Variants in SHISA5 observed in about 807,000 individuals in gnomAD.
SHISA5 encodes the protein shisa family member 5.
Under a neutral mutation model 27.5 loss-of-function variants are expected in SHISA5, and 21 were observed. The observed-to-expected ratio is 0.76, with a 90% CI of 0.54 to 1.10. SHISA5 has a LOEUF of 1.10. Ranked by LOEUF, SHISA5 falls within the 50% of genes least tolerant of loss-of-function variation. SHISA5 has a pLI of 0.00. For missense variants in SHISA5, 314 were observed against 336.3 expected, an observed-to-expected ratio of 0.93 and a Z score of 0.52; for synonymous variants, 137 against 142.2, an observed-to-expected ratio of 0.96 and a Z score of 0.26.
intron 2 of SHISA5, among the ~76,000 whole-genome samples, chr3:48,486,677 G>A (rs2041259061): frequency 7.0e-6 from 1 of 142,452 alleles, no homozygotes. Flanking sequence ...TGGATCACCT[G>A]AGGTCAGGAG....
intron 2 of SHISA5, among the ~76,000 whole-genome samples, chr3:48,482,888 C>T (rs2041068904): frequency 3.3e-5 from 5 of 152,016 alleles, no homozygotes. Context: ...CCATCTTGGC[C>T]TCCCAAAATT....
chr3:48,481,551 G>T (rs1484850048), intron 2 of SHISA5, among the ~76,000 whole-genome samples: 1 of 152,158 alleles, frequency 6.6e-6, no homozygotes, highest in Non-Finnish European at 1.5e-5. Flanking sequence ...AGCACTTTGG[G>T]AGGCTGAGGA....
At chr3:48,486,512 T>C (rs1404926625) in intron 2 of SHISA5, among the ~76,000 whole-genome samples, 1 of 116,976 alleles carries the variant, frequency 8.5e-6, no homozygotes, top group East Asian at 2.2e-4. Context: ...AATTATATAA[T>C]ATACAATATA....
intron 2 of SHISA5, among the ~76,000 whole-genome samples, chr3:48,493,898 T>C (rs2041489804): frequency 6.8e-6 from 1 of 147,930 alleles, no homozygotes; most frequent in South Asian, 2.1e-4. Flanking sequence ...TTTTGAAATA[T>C]GTATATATTG....
intron 2 of SHISA5, among the ~76,000 whole-genome samples, chr3:48,484,570 G>T (rs1030011218): frequency 6.8e-6 from 1 of 147,884 alleles, no homozygotes; most frequent in Admixed American, 6.8e-5. Context: ...CAGCCTGGGC[G>T]ACAGAGCGAG....
In SHISA5 at chr3:48,473,132, C is replaced by T; in HGVS notation, c.315-3289G>A. 1 of 1,466,852 alleles carries T rather than the reference C, an allele frequency of 6.8e-7. No homozygotes were observed. Among genetic ancestry groups the T allele is most frequent in the Non-Finnish European group, 9.0e-7 (1 of 1,112,520 alleles). 90.9% of individuals were successfully genotyped at this position (1,466,852 alleles called of 1,614,324 possible). A position where few individuals can be genotyped will look rare whatever the true frequency, so the allele number is the denominator to read the frequency against. ...TGGAGAAAAAGAAAGCAAATCTCCT[C>T]CAGATGACGTCAGCCACAGGAAGCA... On this transcript the variant is annotated intron_variant, in intron 3 of 5. Coordinates refer to ENST00000296444, the MANE Select transcript of SHISA5 (RefSeq NM_016479.6). The surrounding 1 kb of genome is among the most constrained non-coding windows in gnomAD (Gnocchi z 4.3).
chr3:48,504,249 G>A (rs1044132352), upstream of SHISA5: 1 of 371,008 alleles, frequency 2.7e-6, no homozygotes, highest in Non-Finnish European at 4.8e-6. This position sits in a 1 kb window ranked among gnomAD's most constrained non-coding sequence, Gnocchi z 4.0. Context: ...AGGAGGAGGA[G>A]GGAGGAGGAG....
At chr3:48,476,463 C>T (rs1408557058) in intron 3 of SHISA5, among the ~76,000 whole-genome samples, 2 of 152,106 alleles carry the variant, frequency 1.3e-5, no homozygotes, top group South Asian at 2.1e-4. Context: ...GGCTCCTGGC[C>T]TGGGGTCTTT....
In SHISA5 at chr3:48,473,543, C is replaced by T; in HGVS notation, c.315-3700G>A. The T allele has an allele frequency of 7.8e-7, 1 of 1,282,378 alleles. No homozygotes were observed. Among genetic ancestry groups the T allele is most frequent in the Non-Finnish European group, 1.0e-6 (1 of 984,736 alleles). 79.4% of individuals were successfully genotyped at this position (1,282,378 alleles called of 1,614,324 possible). On this transcript the variant is annotated intron_variant, in intron 3 of 5. Coordinates refer to ENST00000296444, the MANE Select transcript of SHISA5 (RefSeq NM_016479.6). This position sits in a 1 kb window ranked among gnomAD's most constrained non-coding sequence, Gnocchi z 4.3. ...TGCAAGGAGCAAAGTCCAGCCTGTC[C>T]CTTTAGCTCCTCCTCTCCCACCAGC... is the stretch of plus-strand genomic sequence containing the variant.
At chr3:48,501,379 C>CCACA in intron 1 of SHISA5, 86 bp from the exon 2 acceptor site, 1 of 1,384,388 alleles carries the variant, frequency 7.2e-7, no homozygotes, top group Non-Finnish European at 1.0e-6. Flanking sequence ...AGCCACCAGA[C>CCACA]CACACACACA....
At chr3:48,482,454 T>C (rs546466843) in intron 2 of SHISA5, among the ~76,000 whole-genome samples, 1 of 152,254 alleles carries the variant, frequency 6.6e-6, no homozygotes, top group South Asian at 2.1e-4. Flanking sequence ...TGGATTCCGA[T>C]TTGGACAAAC....
chr3:48,486,886 C>A (rs1044629175), intron 2 of SHISA5, among the ~76,000 whole-genome samples: 3 of 148,222 alleles, frequency 2.0e-5, no homozygotes, highest in Middle Eastern at 3.2e-3. Flanking sequence ...AGCCACTGCA[C>A]GCCAGCCTGG....
Position 48,470,017 on chromosome 3 carries a change from G to A in SHISA5, c.315-174C>T, listed in dbSNP as rs1333975696. On this transcript the variant is annotated intron_variant, in intron 3 of 5. Coordinates refer to ENST00000296444, the MANE Select transcript of SHISA5 (RefSeq NM_016479.6). This position sits in a 1 kb window ranked among gnomAD's most constrained non-coding sequence, Gnocchi z 4.3. Reference sequence around the variant, plus strand: ...TCTGTTTCCTCTTGTGTAAACTGGGGTATATGTGAGTCCCTGTAACTGTCT... The same window carrying A: ...TCTGTTTCCTCTTGTGTAAACTGGGATATATGTGAGTCCCTGTAACTGTCT... 3 of 778,690 alleles carry A rather than the reference G, an allele frequency of 3.9e-6. No homozygotes were observed. The highest frequency in any genetic ancestry group is 1.8e-5 in the African/African-American group (1 of 57,064). The allele number at this position is 778,690 out of a possible 1,614,324, so 48.2% of individuals were successfully genotyped here.
intron 2 of SHISA5, among the ~76,000 whole-genome samples, chr3:48,481,334 G>A (rs1232482894): frequency 6.6e-6 from 1 of 151,930 alleles, no homozygotes; most frequent in African/African-American, 2.4e-5. Context: ...CAGCTACTCG[G>A]GAGGCTGAGG....
chr3:48,497,294 C>T (rs1309676002), intron 2 of SHISA5, among the ~76,000 whole-genome samples: 2 of 133,426 alleles, frequency 1.5e-5, no homozygotes, highest in Non-Finnish European at 3.1e-5. Context: ...GACGGAGTCT[C>T]GCTCTGTCAC....
intron 2 of SHISA5, among the ~76,000 whole-genome samples, chr3:48,491,953 A>G (rs1274513898): frequency 6.6e-6 from 1 of 151,920 alleles, no homozygotes; most frequent in East Asian, 1.9e-4. Flanking sequence ...ACAACTGGAG[A>G]TAAATTTTGC....
At chr3:48,475,411 A>C (rs1367905967) in intron 3 of SHISA5, among the ~76,000 whole-genome samples, 1 of 152,112 alleles carries the variant, frequency 6.6e-6, no homozygotes. Context: ...GAGTTTGGGC[A>C]GGATTGTAGG....
At chr3:48,484,808 G>A (rs1051572093) in intron 2 of SHISA5, among the ~76,000 whole-genome samples, 5 of 152,076 alleles carry the variant, frequency 3.3e-5, no homozygotes, top group Middle Eastern at 3.4e-3. Flanking sequence ...CAGGAGAATC[G>A]CTTGAACCCA....
intron 2 of SHISA5, among the ~76,000 whole-genome samples, chr3:48,496,775 T>C (rs1276103566): frequency 6.7e-6 from 1 of 148,728 alleles, no homozygotes; most frequent in Non-Finnish European, 1.5e-5. Flanking sequence ...CTATTTATAA[T>C]ACCATAAAAA....
Sources: gnomAD v4.1 joint callset for allele counts (sites outside exome capture counted in the v4.1 genomes callset) on GRCh38, gnomAD v4.1.1 for gene constraint, Gnocchi (gnomAD v3.1) non-coding constraint, MANE v1.5 for transcripts, NCBI Gene and HGNC (gene_info 2026-07-23, HGNC 2026-07-21) for gene names.